The following HDAC9 variants were observed in gnomAD, a reference collection of about 807,000 sequenced individuals.
HDAC9 encodes the protein MEF-2 interacting transcription repressor (MITR) protein.
In HDAC9, 41 loss-of-function variants were observed where a neutral mutation model predicts 139.4. The observed-to-expected ratio is 0.29, with a 90% confidence interval of 0.23 to 0.38. HDAC9 has a LOEUF of 0.38. Ranked by LOEUF, HDAC9 falls within the 10% of genes least tolerant of loss-of-function variation. The pLI, the probability that HDAC9 is intolerant of heterozygous loss-of-function variation, is 1.00. For missense variants in HDAC9, 1,147 were observed against 1,297.0 expected (o/e 0.88, Z 1.78); for synonymous variants, 517 against 476.2 (o/e 1.09, Z -1.12).
At chr7:18,744,416 G>C (rs1236909751) in intron 13 of HDAC9, among the ~76,000 whole-genome samples, 1 of 152,132 alleles carries the variant, frequency 6.6e-6, no homozygotes, top group East Asian at 1.9e-4. Flanking sequence ...ATATATATTT[G>C]TGCTGTGCTA....
At chr7:18,093,201 C>T (rs1782278280) in intron 1 of HDAC9, among the ~76,000 whole-genome samples, 1 of 152,154 alleles carries the variant, frequency 6.6e-6, no homozygotes, top group Non-Finnish European at 1.5e-5. Context: ...TTCTGCCTCC[C>T]TTCTCCCCTG....
At chr7:18,122,065 A>C (rs2128094096) in intron 1 of HDAC9, among the ~76,000 whole-genome samples, 1 of 152,332 alleles carries the variant, frequency 6.6e-6, no homozygotes, top group Admixed American at 6.5e-5. Flanking sequence ...CCATGGTATC[A>C]GCAGAATTTA....
At chr7:18,163,460 A>G (rs1324746922) in intron 2 of HDAC9, among the ~76,000 whole-genome samples, 3 of 152,222 alleles carry the variant, frequency 2.0e-5, no homozygotes, top group Admixed American at 2.0e-4. Context: ...GTTTGTTAAA[A>G]CAAGCCCTAT....
chr7:18,330,274 T>C (rs1800814983), intron 1 of HDAC9, among the ~76,000 whole-genome samples: 1 of 151,520 alleles, frequency 6.6e-6, no homozygotes, highest in Non-Finnish European at 1.5e-5. Context: ...GTGGGGACAC[T>C]TGGGGTGGTA....
rs1786788899 is a variant in HDAC9, at chr7:19,002,343, CT to C, written c.*6285del. On this transcript the variant is annotated 3_prime_UTR_variant, in exon 26 of 26. Transcript: ENST00000686413. ...TCCTTTGAATAGAATAAAATAACCC[CT>C]TTTGTTTTGTGTTTTCTACTGAATT... 6.6e-6 allele frequency: 1 copy of C among 151,978 alleles called. No individual in the cohort carries two copies. The highest frequency in any genetic ancestry group is 6.6e-5 in the Admixed American group (1 of 15,258). 9.4% of individuals were successfully genotyped at this position (151,978 alleles called of 1,614,324 possible). A position where few individuals can be genotyped will look rare whatever the true frequency, so the allele number is the denominator to read the frequency against.
At chr7:18,136,953 A>G (rs1785467716) in intron 1 of HDAC9, among the ~76,000 whole-genome samples, 1 of 148,708 alleles carries the variant, frequency 6.7e-6, no homozygotes, top group South Asian at 2.1e-4. Context: ...ATGTTCTTCC[A>G]TTTGTTTGTA....
chr7:18,969,879 G>A (rs1784136861), intron 24 of HDAC9, among the ~76,000 whole-genome samples: 1 of 152,120 alleles, frequency 6.6e-6, no homozygotes, highest in South Asian at 2.1e-4. Context: ...TTGCCAAAGT[G>A]GAGTATGCTG....
intron 11 of HDAC9, among the ~76,000 whole-genome samples, chr7:18,657,674 A>G (rs954582394): frequency 1.3e-5 from 2 of 151,894 alleles, no homozygotes; most frequent in Non-Finnish European, 2.9e-5. Flanking sequence ...AGAATTCCAC[A>G]CTCTTGCTGA....
intron 22 of HDAC9, chr7:18,892,677 G>A (rs1160338495): frequency 2.0e-5 from 3 of 152,050 alleles, no homozygotes; most frequent in Admixed American, 2.0e-4. Context: ...GGTTCCTCGT[G>A]TATCTATTCT....
chr7:18,495,055 A>C, upstream of HDAC9, among the ~76,000 whole-genome samples: 1 of 152,114 alleles, frequency 6.6e-6, no homozygotes, highest in East Asian at 1.9e-4. Context: ...ATTGTCTTGC[A>C]TAAATAGCAA....
At chr7:18,307,201 C>T (rs1040057880) in intron 1 of HDAC9, among the ~76,000 whole-genome samples, 1 of 150,108 alleles carries the variant, frequency 6.7e-6, no homozygotes, top group African/African-American at 2.5e-5. Context: ...AAGTTCAAAT[C>T]CTGGCTTCCT....
intron 12 of HDAC9, among the ~76,000 whole-genome samples, chr7:18,672,887 A>G (rs1224937063): frequency 6.6e-6 from 1 of 151,932 alleles, no homozygotes; most frequent in Non-Finnish European, 1.5e-5. Context: ...ACTAGTTGCA[A>G]TTACTAGTTG....
At chr7:18,297,817 C>A (rs1196305254) in intron 1 of HDAC9, among the ~76,000 whole-genome samples, 1 of 152,116 alleles carries the variant, frequency 6.6e-6, no homozygotes, top group Non-Finnish European at 1.5e-5. Flanking sequence ...TTTCTTTGGT[C>A]CTACATTTCT....
At chr7:18,498,278 C>T (rs1797461351) in intron 2 of HDAC9, among the ~76,000 whole-genome samples, 1 of 152,046 alleles carries the variant, frequency 6.6e-6, no homozygotes, top group African/African-American at 2.4e-5. Flanking sequence ...TCCTGTGAGG[C>T]ACTGGCTCTC....
intron 23 of HDAC9, among the ~76,000 whole-genome samples, chr7:18,942,192 A>G (rs1186760321): frequency 1.3e-5 from 2 of 152,100 alleles, no homozygotes; most frequent in Admixed American, 1.3e-4. Context: ...AATATAACAT[A>G]AAACCATTGT....
At chr7:18,702,428 G>A (rs1195396892) in intron 12 of HDAC9, among the ~76,000 whole-genome samples, 2 of 152,216 alleles carry the variant, frequency 1.3e-5, no homozygotes, top group African/African-American at 4.8e-5. Flanking sequence ...ATAAAAGTCG[G>A]CGACTGTCCA....
intron 22 of HDAC9, among the ~76,000 whole-genome samples, chr7:18,899,986 C>G (rs1426672039): frequency 6.6e-6 from 1 of 151,980 alleles, no homozygotes; most frequent in Non-Finnish European, 1.5e-5. Flanking sequence ...ATAGATTTCT[C>G]TGTACATGGA....
At chr7:18,271,607 A>C (rs535555591) in intron 2 of HDAC9, among the ~76,000 whole-genome samples, 2 of 152,304 alleles carry the variant, frequency 1.3e-5, no homozygotes, top group African/African-American at 4.8e-5. Flanking sequence ...CCTCAGCATG[A>C]AGCACATTTT....
At chr7:18,754,147 T>C (rs756957442) in intron 14 of HDAC9, among the ~76,000 whole-genome samples, 12 of 152,080 alleles carry the variant, frequency 7.9e-5, no homozygotes, top group Non-Finnish European at 1.6e-4. Context: ...TAGTCCTTCA[T>C]GCCAATACCA....
Sources: gnomAD v4.1 joint callset for allele counts (sites outside exome capture counted in the v4.1 genomes callset) on GRCh38, gnomAD v4.1.1 for gene constraint, MANE v1.5 for transcripts, NCBI Gene and HGNC (gene_info 2026-07-23, HGNC 2026-07-21) for gene names.